ROBO2: variants seen among roughly 807,000 people sequenced by gnomAD.
The protein encoded by ROBO2 is roundabout homolog 2.
A neutral mutation model predicts 160.8 loss-of-function variants in ROBO2; 53 were observed. The ratio of observed to expected loss-of-function variants is 0.33; its 90% CI spans 0.26 to 0.41. ROBO2 has a LOEUF of 0.41. Ranked by LOEUF, ROBO2 falls within the 10% of genes least tolerant of loss-of-function variation. The pLI is 1.00. For missense variants in ROBO2, 1,577 were observed against 1,722.4 expected (o/e 0.92, Z 1.49); for synonymous variants, 664 against 611.7 (o/e 1.09, Z -1.26).
chr3:77,243,809 A>G (rs571181984), intron 2 of ROBO2, among the ~76,000 whole-genome samples: 1 of 152,214 alleles, frequency 6.6e-6, no homozygotes, highest in Non-Finnish European at 1.5e-5. Flanking sequence ...ATAATGCATT[A>G]AAAGCACTTT....
At chr3:77,268,287 C>T (rs1043618622) in intron 2 of ROBO2, among the ~76,000 whole-genome samples, 13 of 151,994 alleles carry the variant, frequency 8.6e-5, no homozygotes, top group African/African-American at 3.1e-4. Context: ...TTTTTATTCT[C>T]ATGTAGAAGC....
At chr3:77,248,463 G>A (rs1362070770) in intron 2 of ROBO2, among the ~76,000 whole-genome samples, 3 of 152,082 alleles carry the variant, frequency 2.0e-5, no homozygotes, top group Non-Finnish European at 4.4e-5. Context: ...TAACACTGAA[G>A]CCATCTGCAG....
At chr3:76,522,826 GAACTA>G (rs1306534244) in intron 2 of ROBO2, among the ~76,000 whole-genome samples, 1 of 151,786 alleles carries the variant, frequency 6.6e-6, no homozygotes, top group South Asian at 2.1e-4. Context: ...ATCCTGAAAT[GAACTA>G]AACTAAGTAT....
At chr3:77,007,656 G>T (rs968204919) in intron 2 of ROBO2, among the ~76,000 whole-genome samples, 3 of 152,110 alleles carry the variant, frequency 2.0e-5, no homozygotes, top group South Asian at 4.2e-4. Context: ...CCTATACTAT[G>T]CATATATGAC....
intron 2 of ROBO2, among the ~76,000 whole-genome samples, chr3:76,270,622 C>A (rs375266392): frequency 6.6e-6 from 1 of 151,970 alleles, no homozygotes; most frequent in Non-Finnish European, 1.5e-5. Flanking sequence ...TTTTATTGAG[C>A]ACCTTTTGTG....
At chr3:76,641,149 C>G (rs1305415558) in intron 2 of ROBO2, among the ~76,000 whole-genome samples, 2 of 152,170 alleles carry the variant, frequency 1.3e-5, no homozygotes, top group African/African-American at 4.8e-5. Flanking sequence ...CAGTAGCCCA[C>G]AGTCTGAAGA....
intron 2 of ROBO2, among the ~76,000 whole-genome samples, chr3:76,617,214 A>T (rs1037769686): frequency 6.6e-6 from 1 of 152,116 alleles, no homozygotes; most frequent in African/African-American, 2.4e-5. Flanking sequence ...AAACCTGAAA[A>T]GGGCCCATCC....
At chr3:77,647,910 C>G (rs1165650295) in exon 26 of ROBO2, 1 of 152,104 alleles carries the variant, frequency 6.6e-6, no homozygotes, top group South Asian at 2.1e-4. Flanking sequence ...TTAAACATTT[C>G]CATCCTTTCT....
At chr3:77,335,180 G>A (rs1438332976) in intron 2 of ROBO2, among the ~76,000 whole-genome samples, 1 of 152,130 alleles carries the variant, frequency 6.6e-6, no homozygotes, top group Non-Finnish European at 1.5e-5. Flanking sequence ...CGGCACTTAG[G>A]GAGATTCTTT....
At chr3:76,442,819 C>A (rs574024128) in intron 2 of ROBO2, among the ~76,000 whole-genome samples, 18 of 152,104 alleles carry the variant, frequency 1.2e-4, no homozygotes, top group African/African-American at 4.3e-4. Context: ...GTTCAAGTAA[C>A]CCTTTTTTAA....
At chr3:76,286,160 G>C (rs928073704) in intron 2 of ROBO2, among the ~76,000 whole-genome samples, 8 of 152,208 alleles carry the variant, frequency 5.3e-5, no homozygotes, top group Admixed American at 5.2e-4. Flanking sequence ...TTCCCATTCA[G>C]AGTGTGCTGT....
chr3:75,940,771 T>TA (rs1948018321), intron 2 of ROBO2, among the ~76,000 whole-genome samples: 1 of 152,130 alleles, frequency 6.6e-6, no homozygotes, highest in Non-Finnish European at 1.5e-5. Flanking sequence ...AGAATCTAGA[T>TA]AAAACTGAAC....
intron 2 of ROBO2, among the ~76,000 whole-genome samples, chr3:76,662,412 T>G (rs1686285443): frequency 6.6e-6 from 1 of 152,202 alleles, no homozygotes; most frequent in Non-Finnish European, 1.5e-5. Flanking sequence ...TAATTACTTT[T>G]TTCTTCCCTT....
chr3:76,513,363 A>G (rs2081195199), intron 2 of ROBO2, among the ~76,000 whole-genome samples: 1 of 151,706 alleles, frequency 6.6e-6, no homozygotes, highest in Admixed American at 6.6e-5. Flanking sequence ...ATTTATTTTT[A>G]TTTTTCTGAG....
chr3:76,963,145 C>G (rs914148021), intron 2 of ROBO2, among the ~76,000 whole-genome samples: 8 of 99,446 alleles, frequency 8.0e-5, no homozygotes, highest in African/African-American at 3.3e-4. Context: ...ATGTTCTGGT[C>G]CCTTTAATAA....
intron 2 of ROBO2, among the ~76,000 whole-genome samples, chr3:76,519,628 G>T (rs973627376): frequency 6.6e-6 from 1 of 152,016 alleles, no homozygotes; most frequent in Non-Finnish European, 1.5e-5. Flanking sequence ...TCTCACTTTT[G>T]TATACCCGGG....
intron 4 of ROBO2, among the ~76,000 whole-genome samples, chr3:77,483,231 T>G (rs2153591078): frequency 6.6e-6 from 1 of 152,076 alleles, no homozygotes; most frequent in Non-Finnish European, 1.5e-5. Flanking sequence ...AGCTTTCCAT[T>G]ATTGGTAAGA....
chr3:76,775,001 G>C (rs2062152151), intron 2 of ROBO2, among the ~76,000 whole-genome samples: 1 of 150,400 alleles, frequency 6.6e-6, no homozygotes, highest in Non-Finnish European at 1.5e-5. Flanking sequence ...TCATGATCAA[G>C]ATTAAATTTA....
intron 2 of ROBO2, among the ~76,000 whole-genome samples, chr3:77,027,467 A>G (rs2063039746): frequency 6.6e-6 from 1 of 152,224 alleles, no homozygotes; most frequent in South Asian, 2.1e-4. Context: ...AACATTCCAG[A>G]GAGCATATAT....
Sources: gnomAD v4.1 joint callset for allele counts (sites outside exome capture counted in the v4.1 genomes callset) on GRCh38, gnomAD v4.1.1 for gene constraint, MANE v1.5 for transcripts, NCBI Gene and HGNC (gene_info 2026-07-23, HGNC 2026-07-21) for gene names.